PKP4: variants seen among roughly 807,000 people sequenced by gnomAD.
PKP4 encodes the protein plakophilin 4.
A neutral mutation model predicts 145.1 loss-of-function variants in PKP4; 90 were observed. The ratio of observed to expected loss-of-function variants is 0.62; its 90% CI spans 0.52 to 0.74. The LOEUF is 0.74. Among genes scored for constraint, PKP4 ranks in the 30% least tolerant of loss-of-function variants. The pLI, the probability that PKP4 is intolerant of heterozygous loss-of-function variation, is 0.00. For synonymous variants in PKP4, 563 were observed against 577.2 expected (o/e 0.98, Z 0.35); for missense variants, 1,340 against 1,482.7 (o/e 0.90, Z 1.58).
intron 3 of PKP4, 147 bp from the exon 4 acceptor site, chr2:158,602,923 C>A: frequency 2.1e-6 from 1 of 465,276 alleles, no homozygotes; most frequent in South Asian, 3.3e-5. Flanking sequence ...TAAAAATTAA[C>A]TTAGATAAGT....
At chr2:158,583,482 G>A (rs1386157213) in intron 3 of PKP4, among the ~76,000 whole-genome samples, 1 of 152,162 alleles carries the variant, frequency 6.6e-6, no homozygotes, top group African/African-American at 2.4e-5. Context: ...AAAAATTCCT[G>A]AATCTATCAT....
chr2:158,574,580 G>A (rs914600095), intron 2 of PKP4, among the ~76,000 whole-genome samples: 7 of 152,198 alleles, frequency 4.6e-5, no homozygotes, highest in Admixed American at 1.3e-4. Context: ...TCACATGTGC[G>A]TGTGTTCAAC....
intron 3 of PKP4, among the ~76,000 whole-genome samples, chr2:158,581,216 C>T (rs2105792731): frequency 6.6e-6 from 1 of 152,258 alleles, no homozygotes; most frequent in Non-Finnish European, 1.5e-5. Context: ...TTCCGGTATG[C>T]CATTTCCGAT....
At position 158,604,741 on chromosome 2, in the gene PKP4, C is replaced by A. The variant is rs116284584; in HGVS notation, c.280+1637C>A. Among the ~76,000 whole-genome samples the A allele has an allele frequency of 7.5e-3, 1,143 of 152,194 alleles. 16 individuals carry two copies. The highest frequency in any genetic ancestry group is 0.026 in the African/African-American group (1,090 of 41,524). On this transcript the variant is annotated intron_variant, in intron 4 of 21. Transcript: ENST00000389759. The stretch of plus-strand genomic sequence containing the variant: ...GATGATTAAAGGGCAGCAAGTGACA[C>A]CACTCAATAAGCATTTAGAAATGTG...
At chr2:158,525,687 A>G (rs2042851764) in intron 1 of PKP4, among the ~76,000 whole-genome samples, 1 of 133,158 alleles carries the variant, frequency 7.5e-6, no homozygotes, top group South Asian at 3.0e-4. Flanking sequence ...AAATCAATGA[A>G]TCCAGGAGCT....
At chr2:158,557,153 C>A (rs1015476203) in intron 2 of PKP4, among the ~76,000 whole-genome samples, 1 of 152,118 alleles carries the variant, frequency 6.6e-6, no homozygotes, top group African/African-American at 2.4e-5. Flanking sequence ...ATGCCTCTCC[C>A]ATAGAAATTA....
intron 1 of PKP4, among the ~76,000 whole-genome samples, chr2:158,507,814 G>C (rs1196366428): frequency 6.6e-6 from 1 of 152,104 alleles, no homozygotes; most frequent in Non-Finnish European, 1.5e-5. Context: ...TTCCTTGAGT[G>C]TGGATTGCTG....
chr2:158,662,973 T>C lies in PKP4; in HGVS notation c.2288T>C (p.Leu763Pro). The C allele has an allele frequency of 6.2e-7, 1 of 1,613,916 alleles. No individual in the cohort carries two copies. Residue 763 changes from leucine to proline, a missense_variant, in exon 14 of 22, where the codon CTG (leucine) becomes CCG (proline). Transcript: ENST00000389759. The stretch of plus-strand genomic sequence containing the variant: ...CTGGAGGTGCCCCAGGCCCGGTTAC[T>C]GGGACTGAACGAATTGGATGACTTA... ...LELEVPQARL[L>P]GLNELDDLLG...
intron 13 of PKP4, chr2:158,662,613 C>T (rs1361329971): frequency 3.6e-5 from 9 of 250,066 alleles, no homozygotes; most frequent in African/African-American, 1.1e-4. Context: ...GCAGTCTGCA[C>T]GGCAGCAGCC....
At chr2:158,626,440 G>C (rs1172351209) in intron 7 of PKP4, among the ~76,000 whole-genome samples, 2 of 152,124 alleles carry the variant, frequency 1.3e-5, no homozygotes, top group Admixed American at 6.5e-5. Flanking sequence ...TAGGTTGTTT[G>C]TTATGTTTAG....
intron 1 of PKP4, among the ~76,000 whole-genome samples, chr2:158,501,857 G>T (rs902349930): frequency 1.3e-5 from 2 of 152,186 alleles, no homozygotes; most frequent in African/African-American, 4.8e-5. Flanking sequence ...GTTTAAGGCA[G>T]GTGGCCTTGA....
At chr2:158,492,740 C>T (rs957501503) in intron 1 of PKP4, among the ~76,000 whole-genome samples, 2 of 152,216 alleles carry the variant, frequency 1.3e-5, no homozygotes, top group African/African-American at 4.8e-5. Flanking sequence ...TGACCATTTT[C>T]CTCCTGCGTA....
chr2:158,506,835 C>T (rs11683527), intron 1 of PKP4, among the ~76,000 whole-genome samples: 29,690 of 152,082 alleles, frequency 0.2, 3,772 homozygotes, highest in Middle Eastern at 0.34. Context: ...AGTGTTCATA[C>T]GACATTTTGC....
chr2:158,519,834 A>G lies in PKP4; in HGVS notation c.-5-13346A>G, dbSNP rs1364002138. Among the ~76,000 whole-genome samples, 3 of 152,088 alleles carry G rather than the reference A, an allele frequency of 2.0e-5. No individual in the cohort carries two copies. In the East Asian group the frequency reaches 5.8e-4, roughly 29 times the overall value. On this transcript the variant is annotated intron_variant, in intron 1 of 21. Transcript: ENST00000389759. ...TCTTCATCCAGTTCCCCTCCATCAGAGTTTTAATTACATTCTTAACTCTAT... is the reference window on the plus strand; with the variant it reads ...TCTTCATCCAGTTCCCCTCCATCAGGGTTTTAATTACATTCTTAACTCTAT...
intron 1 of PKP4, among the ~76,000 whole-genome samples, chr2:158,461,567 T>C (rs919878938): frequency 6.6e-5 from 10 of 152,022 alleles, no homozygotes; most frequent in African/African-American, 2.4e-4. Flanking sequence ...TTTTCCTGAA[T>C]GGAATAATGC....
chr2:158,494,407 A>G (rs1695382826), intron 1 of PKP4, among the ~76,000 whole-genome samples: 1 of 152,230 alleles, frequency 6.6e-6, no homozygotes. Context: ...TGATATGAAT[A>G]AATAAAATGT....
intron 1 of PKP4, among the ~76,000 whole-genome samples, chr2:158,462,296 C>A (rs1689889445): frequency 6.6e-6 from 1 of 151,350 alleles, no homozygotes; most frequent in African/African-American, 2.4e-5. Flanking sequence ...TTTAAAAATA[C>A]AATTTGGATT....
intron 1 of PKP4, among the ~76,000 whole-genome samples, chr2:158,486,004 T>C (rs1302131533): frequency 6.6e-6 from 1 of 152,198 alleles, no homozygotes; most frequent in Non-Finnish European, 1.5e-5. Flanking sequence ...AAATTTTTTT[T>C]ATTTCTAATT....
At chr2:158,552,078 C>T (rs902124840) in intron 2 of PKP4, among the ~76,000 whole-genome samples, 1 of 152,170 alleles carries the variant, frequency 6.6e-6, no homozygotes, top group Admixed American at 6.5e-5. Flanking sequence ...CAGGTGAGTT[C>T]TAAATGCCAT....
Sources: allele counts gnomAD v4.1 joint callset (sites outside exome capture counted in the v4.1 genomes callset), GRCh38; gene constraint gnomAD v4.1.1; transcripts MANE v1.5; gene names NCBI Gene and HGNC (gene_info 2026-07-23, HGNC 2026-07-21).